The following CNTNAP2 variants were observed in gnomAD, a reference collection of about 807,000 sequenced individuals.
The protein encoded by CNTNAP2 is contactin-associated protein-like 2.
CNTNAP2 carries 98 observed loss-of-function variants against 155.2 expected under a neutral mutation model. The observed-to-expected ratio is 0.63, with a 90% CI of 0.54 to 0.75. The LOEUF (loss-of-function observed/expected upper bound fraction) is 0.75, where lower values mean the gene tolerates loss of function less well. Ranked by LOEUF, CNTNAP2 falls within the 30% of genes least tolerant of loss-of-function variation. The pLI is 0.00. For missense variants in CNTNAP2, 1,727 were observed against 1,688.1 expected, an observed-to-expected ratio of 1.02 and a Z score of -0.40; for synonymous variants, 651 against 631.2, an observed-to-expected ratio of 1.03 and a Z score of -0.47.
intron 3 of CNTNAP2, among the ~76,000 whole-genome samples, chr7:146,904,823 G>A (rs914402912): frequency 5.9e-5 from 9 of 152,146 alleles, no homozygotes; most frequent in East Asian, 1.9e-4. Flanking sequence ...ACTGTGAATC[G>A]TATTGTGCTG....
chr7:147,548,349 A>G (rs1584805566), intron 11 of CNTNAP2, among the ~76,000 whole-genome samples: 1 of 152,184 alleles, frequency 6.6e-6, no homozygotes, highest in East Asian at 1.9e-4. Flanking sequence ...CATTTCTCTG[A>G]CGATCAGTGA....
intron 8 of CNTNAP2, among the ~76,000 whole-genome samples, chr7:147,185,890 A>G (rs1435287872): frequency 6.6e-6 from 1 of 152,058 alleles, no homozygotes; most frequent in African/African-American, 2.4e-5. Context: ...TTTATAAGGG[A>G]GAGTTTCCCT....
intron 16 of CNTNAP2, among the ~76,000 whole-genome samples, chr7:148,135,058 A>G (rs757423141): frequency 1.2e-4 from 19 of 152,168 alleles, no homozygotes; most frequent in Non-Finnish European, 2.5e-4. Flanking sequence ...TTTTTTTTCA[A>G]CTGAGAACAA....
At chr7:147,569,290 GGAGGAAATGGGTCACT>G (rs1800236744) in intron 12 of CNTNAP2, among the ~76,000 whole-genome samples, 1 of 152,146 alleles carries the variant, frequency 6.6e-6, no homozygotes. Context: ...AGTGTGGGCA[GGAGGAAATGGGTCACT>G]GAGGTGGTGG....
intron 11 of CNTNAP2, among the ~76,000 whole-genome samples, chr7:147,504,492 C>A (rs1435309454): frequency 1.3e-5 from 2 of 151,922 alleles, no homozygotes; most frequent in African/African-American, 4.8e-5. Flanking sequence ...ACTTCAAGAC[C>A]AGCCTCGCCA....
chr7:147,795,965 A>G (rs946519482), intron 13 of CNTNAP2, among the ~76,000 whole-genome samples: 1 of 151,264 alleles, frequency 6.6e-6, no homozygotes, highest in Non-Finnish European at 1.5e-5. Context: ...TCTTATCTAC[A>G]ACTGATTTTG....
intron 18 of CNTNAP2, among the ~76,000 whole-genome samples, chr7:148,186,516 C>T (rs17170876): frequency 0.4 from 61,323 of 151,888 alleles, 13,525 homozygotes; most frequent in Non-Finnish European, 0.48. Context: ...CATGGAGAGC[C>T]CGGGACCACA....
intron 1 of CNTNAP2, among the ~76,000 whole-genome samples, chr7:146,572,570 A>G (rs574108267): frequency 4.6e-5 from 7 of 152,320 alleles, no homozygotes; most frequent in Admixed American, 3.3e-4. Flanking sequence ...GGACATCCCA[A>G]TGTTCCCAGC....
chr7:147,129,860 A>C (rs555055439), intron 7 of CNTNAP2, among the ~76,000 whole-genome samples: 26 of 152,302 alleles, frequency 1.7e-4, no homozygotes, highest in African/African-American at 6.3e-4. Context: ...AGTAATCATA[A>C]ATTTATACTA....
At chr7:146,522,516 A>T (rs140305207) in intron 1 of CNTNAP2, among the ~76,000 whole-genome samples, 1 of 151,980 alleles carries the variant, frequency 6.6e-6, no homozygotes, top group Non-Finnish European at 1.5e-5. Flanking sequence ...GCACTCTTCT[A>T]TGTCTAAGAT....
At chr7:147,860,697 A>G (rs1584995923) in intron 13 of CNTNAP2, among the ~76,000 whole-genome samples, 1 of 151,994 alleles carries the variant, frequency 6.6e-6, no homozygotes, top group Non-Finnish European at 1.5e-5. Flanking sequence ...CATGACTGTA[A>G]ATTTCCTGAT....
chr7:147,677,648 G>T (rs1280712932), intron 13 of CNTNAP2, among the ~76,000 whole-genome samples: 1 of 151,556 alleles, frequency 6.6e-6, no homozygotes, highest in East Asian at 1.9e-4. Context: ...TTCACAGTTT[G>T]GGGTCTTATA....
chr7:146,889,049 T>C (rs1440119965), intron 3 of CNTNAP2, among the ~76,000 whole-genome samples: 2 of 151,822 alleles, frequency 1.3e-5, no homozygotes, highest in Non-Finnish European at 2.9e-5. Context: ...GGAGGAAACA[T>C]TGGGAACTGA....
chr7:146,852,685 G>A (rs547454353), intron 3 of CNTNAP2, among the ~76,000 whole-genome samples: 2 of 152,100 alleles, frequency 1.3e-5, no homozygotes, highest in Admixed American at 6.6e-5. Flanking sequence ...AAAAGAGCTC[G>A]CCCAGAGCCA....
Position 147,679,756 on chromosome 7 carries a change from T to C in CNTNAP2, c.2098+40450T>C, listed in dbSNP as rs545982003. Among the ~76,000 whole-genome samples, 18 of 152,040 alleles carry C rather than the reference T, an allele frequency of 1.2e-4. No individual in the cohort carries two copies. In the South Asian group the frequency reaches 2.7e-3, roughly 23 times the overall value. On this transcript the variant is annotated intron_variant, in intron 13 of 23. Transcript: ENST00000361727. ...TTGCTTTGGAATTATATTGTTTATT[T>C]GTAATAGTTATTTTCTCTTTGCCTT... is the stretch of plus-strand genomic sequence containing the variant.
chr7:147,662,961 T>A (rs75546301), intron 13 of CNTNAP2, among the ~76,000 whole-genome samples: 1 of 152,156 alleles, frequency 6.6e-6, no homozygotes, highest in Non-Finnish European at 1.5e-5. Context: ...AGAGCGTGAT[T>A]TTTTTTGTCT....
intron 1 of CNTNAP2, among the ~76,000 whole-genome samples, chr7:146,291,171 T>C (rs945850348): frequency 6.6e-6 from 1 of 152,176 alleles, no homozygotes; most frequent in Non-Finnish European, 1.5e-5. Flanking sequence ...GAAAGAAGTT[T>C]ATGAAACTTC....
intron 12 of CNTNAP2, among the ~76,000 whole-genome samples, chr7:147,574,352 C>A (rs971794595): frequency 6.6e-6 from 1 of 151,866 alleles, no homozygotes; most frequent in African/African-American, 2.4e-5. Flanking sequence ...TTTATTATTA[C>A]GAGTGGGAGG....
intron 12 of CNTNAP2, among the ~76,000 whole-genome samples, chr7:147,609,839 T>G (rs73164374): frequency 6.6e-6 from 1 of 152,050 alleles, no homozygotes; most frequent in African/African-American, 2.4e-5. Context: ...ATATACCTTC[T>G]TCCCAGGGAA....
Sources: allele counts gnomAD v4.1 joint callset (sites outside exome capture counted in the v4.1 genomes callset), GRCh38; gene constraint gnomAD v4.1.1; transcripts MANE v1.5; gene names NCBI Gene and HGNC (gene_info 2026-07-23, HGNC 2026-07-21).